NTRK3: variants seen among roughly 807,000 people sequenced by gnomAD.
The protein encoded by NTRK3 is NT-3 growth factor receptor.
A neutral mutation model predicts 91.7 loss-of-function variants in NTRK3; 24 were observed. The ratio of observed to expected loss-of-function variants is 0.26; its 90% CI spans 0.19 to 0.37. NTRK3 has a LOEUF of 0.37. Ranked by LOEUF, NTRK3 falls within the 10% of genes least tolerant of loss-of-function variation. NTRK3 has a pLI of 1.00. For missense variants in NTRK3, 880 were observed against 1,068.9 expected, an observed-to-expected ratio of 0.82 and a Z score of 2.46; for synonymous variants, 483 against 404.0, an observed-to-expected ratio of 1.20 and a Z score of -2.34.
At chr15:88,111,541 A>C (rs1273369136) in intron 13 of NTRK3, among the ~76,000 whole-genome samples, 1 of 152,170 alleles carries the variant, frequency 6.6e-6, no homozygotes, top group Non-Finnish European at 1.5e-5. Flanking sequence ...CAGGTGATTG[A>C]GGGAACTGAA....
At chr15:88,162,473 G>C (rs2044549689) in intron 5 of NTRK3, among the ~76,000 whole-genome samples, 1 of 152,200 alleles carries the variant, frequency 6.6e-6, no homozygotes, top group African/African-American at 2.4e-5. Context: ...CAGAAGGAGA[G>C]GGGAGAAGGG....
chr15:88,017,038 C>A (rs1201268089), intron 14 of NTRK3, among the ~76,000 whole-genome samples: 29 of 150,764 alleles, frequency 1.9e-4, no homozygotes, highest in African/African-American at 5.6e-4. Flanking sequence ...AAATTTGCCT[C>A]ATTAAGCCTC....
At chr15:87,989,903 G>T (rs1285560063) in intron 14 of NTRK3, among the ~76,000 whole-genome samples, 1 of 152,050 alleles carries the variant, frequency 6.6e-6, no homozygotes, top group Non-Finnish European at 1.5e-5. Context: ...CATCATGCCT[G>T]GGCTTGTTTC....
At chr15:88,109,419 T>G (rs1597366079) in intron 13 of NTRK3, among the ~76,000 whole-genome samples, 2 of 152,304 alleles carry the variant, frequency 1.3e-5, no homozygotes. Flanking sequence ...AAGGAGCTCG[T>G]CCTTCCTGAA....
chr15:87,912,931 A>AAATATAT (rs1484111389), intron 17 of NTRK3, among the ~76,000 whole-genome samples: 4 of 36,498 alleles, frequency 1.1e-4, no homozygotes, highest in South Asian at 1.2e-3. Context: ...AGTAAAAAAA[A>AAATATAT]ATATATATAT....
chr15:88,116,976 T>C (rs2052163651), intron 13 of NTRK3, among the ~76,000 whole-genome samples: 1 of 152,298 alleles, frequency 6.6e-6, no homozygotes, highest in East Asian at 1.9e-4. Context: ...ACTACATAAA[T>C]GACTTGGAGA....
Position 87,868,516 on chromosome 15 carries a change from T to C in NTRK3, c.*8419A>G, listed in dbSNP as rs537180618. ...TCAGTAAAATCTCAGAGAAAATTGT[T>C]ATCCAGACTTCAGGGTAACGTATTC... On this transcript the variant is annotated 3_prime_UTR_variant, in exon 19 of 19. Coordinates refer to ENST00000394480, the Ensembl canonical transcript of NTRK3. 17 of 219,544 alleles carry C rather than the reference T, an allele frequency of 7.7e-5. No homozygotes were observed. In the South Asian group the frequency reaches 2.6e-3, roughly 34 times the overall value. 13.6% of individuals were successfully genotyped at this position (219,544 alleles called of 1,614,324 possible). A position where few individuals can be genotyped will look rare whatever the true frequency, so the allele number is the denominator to read the frequency against.
chr15:88,187,935 A>C (rs1315872444), intron 3 of NTRK3, among the ~76,000 whole-genome samples: 1 of 142,404 alleles, frequency 7.0e-6, no homozygotes, highest in East Asian at 2.0e-4. Context: ...CACTGTCTCA[A>C]AAAAAAAAAA....
At chr15:88,242,518 A>G (rs2052450750) in intron 3 of NTRK3, among the ~76,000 whole-genome samples, 1 of 152,178 alleles carries the variant, frequency 6.6e-6, no homozygotes. Context: ...TCTTGAGATA[A>G]CCCTTTGAGC....
chr15:87,877,689 C>T (rs1194679380), intron 18 of NTRK3, among the ~76,000 whole-genome samples: 1 of 152,096 alleles, frequency 6.6e-6, no homozygotes, highest in Admixed American at 6.6e-5. Flanking sequence ...CCCATCCTTC[C>T]CTGCTGCTTG....
chr15:88,189,761 C>A (rs2047241151), intron 3 of NTRK3, among the ~76,000 whole-genome samples: 1 of 152,042 alleles, frequency 6.6e-6, no homozygotes, highest in South Asian at 2.1e-4. Flanking sequence ...ACTTTTGTAC[C>A]CCAGTTTTCT....
exon 19 of NTRK3, chr15:87,872,487 TG>T (rs1370609809): frequency 1.8e-5 from 4 of 227,738 alleles, no homozygotes; most frequent in Non-Finnish European, 3.5e-5. Flanking sequence ...TGATTTCCAG[TG>T]GCCTGCATGA....
intron 3 of NTRK3, among the ~76,000 whole-genome samples, chr15:88,186,999 G>A (rs2046997090): frequency 6.6e-6 from 1 of 152,196 alleles, no homozygotes. Flanking sequence ...ATGATGTGAA[G>A]ATCAAAAGAC....
intron 13 of NTRK3, among the ~76,000 whole-genome samples, chr15:88,096,964 AAAG>A (rs1487142959): frequency 6.6e-6 from 1 of 152,240 alleles, no homozygotes; most frequent in Non-Finnish European, 1.5e-5. Context: ...ATTGAAAAGC[AAAG>A]AAGGATTTGA....
At chr15:88,100,740 A>G (rs979659609) in intron 13 of NTRK3, among the ~76,000 whole-genome samples, 2 of 152,228 alleles carry the variant, frequency 1.3e-5, no homozygotes, top group Non-Finnish European at 2.9e-5. Flanking sequence ...ATCTTTGACA[A>G]ACCTGACAAA....
chr15:87,884,681 T>C (rs1207031484), intron 17 of NTRK3, among the ~76,000 whole-genome samples: 3 of 151,744 alleles, frequency 2.0e-5, no homozygotes, highest in Non-Finnish European at 4.4e-5. Context: ...CCTAGAAATG[T>C]AAGAATGTCT....
At chr15:87,960,019 T>C (rs2072091093) in intron 14 of NTRK3, among the ~76,000 whole-genome samples, 1 of 152,212 alleles carries the variant, frequency 6.6e-6, no homozygotes, top group South Asian at 2.1e-4. Flanking sequence ...AGACCCCAAA[T>C]TTAGCTATGA....
intron 5 of NTRK3, among the ~76,000 whole-genome samples, chr15:88,178,886 G>A (rs532129478): frequency 6.6e-6 from 1 of 152,318 alleles, no homozygotes; most frequent in South Asian, 2.1e-4. Flanking sequence ...GAACTTTAAA[G>A]ATGCCCACCT....
At chr15:88,246,634 G>A (rs1291702103) in intron 3 of NTRK3, among the ~76,000 whole-genome samples, 1 of 152,220 alleles carries the variant, frequency 6.6e-6, no homozygotes, top group East Asian at 1.9e-4. Flanking sequence ...CTGTGCAAAT[G>A]TGCTGATCTC....
Sources: gnomAD v4.1 joint callset for allele counts (sites outside exome capture counted in the v4.1 genomes callset) on GRCh38, gnomAD v4.1.1 for gene constraint, MANE v1.5 for transcripts, NCBI Gene and HGNC (gene_info 2026-07-23, HGNC 2026-07-21) for gene names.